Variants in KCNT1 observed in about 807,000 individuals in gnomAD.
The protein encoded by KCNT1 is potassium sodium-activated channel subfamily T member 1, also known as potassium channel subfamily T member 1.
In KCNT1, 78 loss-of-function variants were observed where a neutral mutation model predicts 147.8. That is an observed-to-expected ratio of 0.53 (90% CI 0.44 to 0.64). The LOEUF (loss-of-function observed/expected upper bound fraction) is 0.64. KCNT1 is among the 30% of genes least tolerant of loss of function. The probability of loss-of-function intolerance (pLI) is 0.00; values close to 1 mark genes in which losing one functional copy is unlikely to be tolerated. For missense variants in KCNT1, 1,419 were observed against 1,750.3 expected, an observed-to-expected ratio of 0.81 and a Z score of 3.38; for synonymous variants, 867 against 748.8, an observed-to-expected ratio of 1.16 and a Z score of -2.58.
chr9:135,711,802 G>A (rs903479075), intron 1 of KCNT1, among the ~76,000 whole-genome samples: 3 of 152,214 alleles, frequency 2.0e-5, no homozygotes, highest in African/African-American at 4.8e-5. Context: ...CGGCCACCCT[G>A]GGTCATAGCC....
intron 17 of KCNT1, 59 bp from the exon 18 acceptor site, chr9:135,770,798 A>G: frequency 1.4e-6 from 2 of 1,431,726 alleles, no homozygotes; most frequent in Non-Finnish European, 1.9e-6. Flanking sequence ...AAGGGCAGGC[A>G]GGGAGCGGGA....
intron 9 of KCNT1, among the ~76,000 whole-genome samples, 185 bp from the exon 10 acceptor site, chr9:135,758,229 G>GCTTTC (rs1831640448): frequency 1.4e-5 from 2 of 146,852 alleles, no homozygotes; most frequent in Admixed American, 6.7e-5. Flanking sequence ...GTGGCCAGGT[G>GCTTTC]CAGGCTGCCC....
Position 135,714,666 on chromosome 9 carries a change from G to A in KCNT1, c.200G>A (p.Arg67His). ...TCCGAGGTGCTGCCCTTGCCGCCGC[G>A]CTACCGCTTCCGGGACCTGCTGCTG... ...LDSEVLPLPPRYRFRDLLLGD... is the reference protein window; with the variant it reads ...LDSEVLPLPPHYRFRDLLLGD... The change falls in exon 2 of 31, where the codon CGC (arginine) becomes CAC (histidine). Residue 67 changes from arginine (R) to histidine (H), a missense_variant. Arg to His is a conservative substitution (Grantham distance 29). Transcript: ENST00000371757. This position sits in a 1 kb window ranked among gnomAD's most constrained non-coding sequence, Gnocchi z 6.2. 1 of 1,485,550 alleles carries A rather than the reference G, an allele frequency of 6.7e-7. No homozygotes were observed. The highest frequency in any genetic ancestry group is 9.0e-7 in the Non-Finnish European group (1 of 1,108,808). 92.0% of individuals were successfully genotyped at this position (1,485,550 alleles called of 1,614,324 possible). A position where few individuals can be genotyped will look rare whatever the true frequency, so the allele number is the denominator to read the frequency against.
At chr9:135,707,198 C>T (rs1835293286) in intron 1 of KCNT1, among the ~76,000 whole-genome samples, 2 of 152,000 alleles carry the variant, frequency 1.3e-5, no homozygotes, top group Non-Finnish European at 2.9e-5. Flanking sequence ...CCCTCAGGTG[C>T]TCAGCATGGC....
At chr9:135,786,787 G>C (rs1834089449) in intron 29 of KCNT1, among the ~76,000 whole-genome samples, 1 of 152,236 alleles carries the variant, frequency 6.6e-6, no homozygotes, top group South Asian at 2.1e-4. Flanking sequence ...GGACCCTTGG[G>C]CATCCCTGGT....
intron 2 of KCNT1, among the ~76,000 whole-genome samples, chr9:135,749,137 C>T (rs1370376016): frequency 2.0e-5 from 3 of 152,218 alleles, no homozygotes; most frequent in Non-Finnish European, 4.4e-5. Context: ...GATCATTAAA[C>T]CCTGGCCTAG....
chr9:135,702,694 C>T (rs1043704289), intron 1 of KCNT1, among the ~76,000 whole-genome samples: 12 of 151,990 alleles, frequency 7.9e-5, no homozygotes, highest in African/African-American at 2.9e-4. Flanking sequence ...GGGGGCGGTG[C>T]AGGGCCTTCC....
At chr9:135,757,749 A>T (rs1036299857) in intron 9 of KCNT1, among the ~76,000 whole-genome samples, 7 of 152,164 alleles carry the variant, frequency 4.6e-5, no homozygotes, top group African/African-American at 1.7e-4. Flanking sequence ...CCCTGTGCTG[A>T]GCATCTCAGG....
rs117196473 is a variant in KCNT1, at chr9:135,775,905, G to A, written c.2349+490G>A. On this transcript the variant is annotated intron_variant, in intron 20 of 30. Coordinates refer to ENST00000371757, the MANE Select transcript of KCNT1 (RefSeq NM_020822.3). ...GCTGCGTCTTAGCAACTCCTTTCTC[G>A]TTACTCTCCCTTAATCTGGAATGTT... Among the ~76,000 whole-genome samples the A allele has an allele frequency of 7.2e-5, 11 of 152,120 alleles. No homozygotes were observed. In the East Asian group the frequency reaches 1.4e-3, roughly 19 times the overall value.
chr9:135,760,753 C>T (rs1172009044), intron 11 of KCNT1, among the ~76,000 whole-genome samples: 1 of 152,250 alleles, frequency 6.6e-6, no homozygotes, highest in Non-Finnish European at 1.5e-5. Context: ...CCAGCGTGGG[C>T]CATGTTCTCC....
chr9:135,779,209 CATAGCCAAGACAGTGGG>C, intron 23 of KCNT1, 133 bp from the exon 24 acceptor site: 2 of 626,102 alleles, frequency 3.2e-6, no homozygotes, highest in Non-Finnish European at 5.6e-6. Context: ...CTGAGACCCC[CATAGCCAAGACAGTGGG>C]CCCTGCCCTG....
At position 135,714,736 on chromosome 9, in the gene KCNT1, GGGGT is replaced by G. The variant is rs774778726; in HGVS notation, c.254+20_254+23del. On this transcript the variant is annotated intron_variant, in intron 2 of 30. Coordinates refer to ENST00000371757, the MANE Select transcript of KCNT1 (RefSeq NM_020822.3). The surrounding 1 kb of genome is among the most constrained non-coding windows in gnomAD (Gnocchi z 6.2). ...ACGACGACAGGTAGGGACCGGGCGC[GGGGT>G]GGGGGCTGGGGTCGCCGTCCCGGCG... 15 of 1,279,526 alleles carry G rather than the reference GGGGT, an allele frequency of 1.2e-5. No homozygotes were observed. The highest frequency in any genetic ancestry group is 4.5e-4 in the Middle Eastern group (2 of 4,454). 79.3% of individuals were successfully genotyped at this position (1,279,526 alleles called of 1,614,324 possible). A position where few individuals can be genotyped will look rare whatever the true frequency, so the allele number is the denominator to read the frequency against.
At chr9:135,729,726 A>G (rs1164782362) in intron 2 of KCNT1, among the ~76,000 whole-genome samples, 1 of 152,080 alleles carries the variant, frequency 6.6e-6, no homozygotes, top group African/African-American at 2.4e-5. Context: ...TATTTTTTGC[A>G]AAGTGGAAGT....
chr9:135,788,065 CTT>C, intron 29 of KCNT1: 16 of 1,508,016 alleles, frequency 1.1e-5, no homozygotes, highest in Non-Finnish European at 1.5e-5. Flanking sequence ...CTCTCTCTCT[CTT>C]TCTGTCTGTG....
intron 13 of KCNT1, 171 bp from the exon 14 acceptor site, chr9:135,768,439 C>T (rs200232970): frequency 1.5e-5 from 9 of 583,482 alleles, no homozygotes; most frequent in Non-Finnish European, 2.5e-5. Context: ...TTCCATCCTC[C>T]CCGCCTTCCA....
chr9:135,769,134 G>A (rs574806019), intron 15 of KCNT1, among the ~76,000 whole-genome samples, 197 bp downstream of exon 15: 1 of 68,596 alleles, frequency 1.5e-5, no homozygotes, highest in Admixed American at 1.2e-4. Flanking sequence ...TGCGTCTGGG[G>A]CAGGGCGCAT....
intron 21 of KCNT1, 104 bp from the exon 22 acceptor site, chr9:135,778,320 C>A: frequency 1.9e-6 from 2 of 1,043,084 alleles, no homozygotes. Flanking sequence ...TCTGGGGAAC[C>A]CCTGCCTGGC....
rs1158202628 is a variant in KCNT1, at chr9:135,738,979, CAGGAGGCCCTGAG to C, written c.255-11118_255-11106del. Among the ~76,000 whole-genome samples the C allele has an allele frequency of 2.0e-5, 3 of 152,138 alleles. No individual in the cohort carries two copies. In the East Asian group the frequency reaches 5.8e-4, roughly 29 times the overall value. ...GCCTCTCAGTGAGACCCCGCTGCAT[CAGGAGGCCCTGAG>C]CCCCTCTGTGTCCCTACCACCCCTG... On this transcript the variant is annotated intron_variant, in intron 2 of 30. Coordinates refer to ENST00000371757, the MANE Select transcript of KCNT1 (RefSeq NM_020822.3).
intron 2 of KCNT1, among the ~76,000 whole-genome samples, chr9:135,729,591 G>C (rs1242665374): frequency 1.3e-5 from 2 of 152,242 alleles, no homozygotes; most frequent in Non-Finnish European, 1.5e-5. Flanking sequence ...TTCCAGGCTG[G>C]TGGTGGTTCG....
Sources: gnomAD v4.1 joint callset for allele counts (sites outside exome capture counted in the v4.1 genomes callset) on GRCh38, gnomAD v4.1.1 for gene constraint, Gnocchi (gnomAD v3.1) non-coding constraint, MANE v1.5 for transcripts, NCBI Gene and HGNC (gene_info 2026-07-23, HGNC 2026-07-21) for gene names.